The following C1orf94 variants were observed in gnomAD, a reference collection of about 807,000 sequenced individuals.
C1orf94 encodes the protein uncharacterized protein C1orf94.
Under a neutral mutation model 53.6 loss-of-function variants are expected in C1orf94, and 45 were observed. The observed-to-expected ratio is 0.84, with a 90% CI of 0.66 to 1.08. C1orf94 has a LOEUF of 1.08. Among genes scored for constraint, C1orf94 ranks in the 50% least tolerant of loss-of-function variants. The pLI, the probability that C1orf94 is intolerant of heterozygous loss-of-function variation, is 0.00. For missense variants in C1orf94, 762 were observed against 738.9 expected (o/e 1.03, Z -0.36); for synonymous variants, 304 against 296.1 (o/e 1.03, Z -0.27).
rs955233357 is a variant in C1orf94 at position 34,196,023 on chromosome 1, C to T, written c.321-1202C>T. On this transcript the variant is annotated intron_variant, in intron 1 of 6. Coordinates refer to ENST00000488417, the MANE Select transcript of C1orf94 (RefSeq NM_001134734.2). ...CTTGGGTCTTCATCATCTTCTCCTT[C>T]AGCGCTCCCATGATAGAAGGCTGAG... is the stretch of plus-strand genomic sequence containing the variant. Among the ~76,000 whole-genome samples the T allele has an allele frequency of 4.6e-5, 7 of 152,210 alleles. No individual in the cohort carries two copies. In the South Asian group the frequency reaches 1.2e-3, roughly 27 times the overall value.
At chr1:34,176,591 C>T (rs1420660226), upstream of C1orf94, among the ~76,000 whole-genome samples, 2 of 152,128 alleles carry the variant, frequency 1.3e-5, no homozygotes, top group South Asian at 2.1e-4. Flanking sequence ...GACGCAATCC[C>T]TTATGACTTT....
At chr1:34,178,169 T>C in intron 1 of C1orf94, 60 bp downstream of exon 1, 2 of 1,489,606 alleles carry the variant, frequency 1.3e-6, no homozygotes, top group Non-Finnish European at 1.8e-6. Context: ...AGTCTGACCT[T>C]CTGGGGGAAT....
chr1:34,189,917 C>T (rs1295192747), intron 1 of C1orf94, among the ~76,000 whole-genome samples: 3 of 152,178 alleles, frequency 2.0e-5, no homozygotes, highest in Non-Finnish European at 4.4e-5. Context: ...GTTTTGAATC[C>T]AGGTCTCCTG....
intron 2 of C1orf94, 88 bp from the exon 3 acceptor site, chr1:34,200,684 G>A (rs1042851146): frequency 1.9e-6 from 3 of 1,546,584 alleles, no homozygotes; most frequent in Non-Finnish European, 2.6e-6. Context: ...TGCTGCAGAG[G>A]ATTCATCATT....
Position 34,218,824 on chromosome 1 carries a change from G to A in C1orf94, c.*63G>A. ...TCAGGACTAGGGGCTCTGATTTTTGGATTCTGCAAAAGCTTGGTATGAAGT... is the reference window on the plus strand; with the variant it reads ...TCAGGACTAGGGGCTCTGATTTTTGAATTCTGCAAAAGCTTGGTATGAAGT... On this transcript the variant is annotated 3_prime_UTR_variant, in exon 7 of 7. Coordinates refer to ENST00000488417, the MANE Select transcript of C1orf94 (RefSeq NM_001134734.2). 7.0e-7 allele frequency: 1 copy of A among 1,432,274 alleles called. No homozygotes were observed. The highest frequency in any genetic ancestry group is 9.5e-7 in the Non-Finnish European group (1 of 1,049,278). The allele number at this position is 1,432,274 out of a possible 1,614,324, so 88.7% of individuals were successfully genotyped here. A position where few individuals can be genotyped will look rare whatever the true frequency, so the allele number is the denominator to read the frequency against.
chr1:34,214,187 G>T (rs1407128934), intron 6 of C1orf94, among the ~76,000 whole-genome samples: 1 of 152,232 alleles, frequency 6.6e-6, no homozygotes, highest in Non-Finnish European at 1.5e-5. Context: ...CCAGTGAGCA[G>T]CACTGGGAGG....
At chr1:34,215,854 A>G (rs745422592) in intron 6 of C1orf94, among the ~76,000 whole-genome samples, 70 of 152,114 alleles carry the variant, frequency 4.6e-4, no homozygotes, top group Admixed American at 8.5e-4. Flanking sequence ...AAAAATACAC[A>G]AATTAGCTGG....
intron 1 of C1orf94, among the ~76,000 whole-genome samples, chr1:34,187,425 G>A (rs569070753): frequency 6.6e-6 from 1 of 152,018 alleles, no homozygotes; most frequent in Non-Finnish European, 1.5e-5. Flanking sequence ...CATGATTAAC[G>A]TCCCACTTCC....
At position 34,208,182 on chromosome 1, in the gene C1orf94, G is replaced by C. The variant is rs776249666; in HGVS notation, c.1472G>C (p.Arg491Thr). The change falls in exon 5 of 7, where the codon AGG becomes ACG. Residue 491 changes from arginine to threonine, a missense_variant. By Grantham distance (71) the Arg-to-Thr change is moderately conservative. Transcript: ENST00000488417. ...YQGLYPQQAA[R>T]MPYQQALHPQ... ...GGCCTGTACCCACAGCAGGCAGCGAGGATGCCCTATCAGCAGGCTTTGCAC... is the reference window on the plus strand; with the variant it reads ...GGCCTGTACCCACAGCAGGCAGCGACGATGCCCTATCAGCAGGCTTTGCAC... 1 of 1,614,124 alleles carries C rather than the reference G, an allele frequency of 6.2e-7. No homozygotes were observed. The highest frequency in any genetic ancestry group is 1.7e-5 in the Admixed American group (1 of 60,014).
chr1:34,175,514 C>T (rs1642211851), upstream of C1orf94, among the ~76,000 whole-genome samples: 1 of 152,104 alleles, frequency 6.6e-6, no homozygotes, highest in African/African-American at 2.4e-5. Flanking sequence ...TCAGAATTTT[C>T]CCCAAAGGAA....
At chr1:34,196,752 T>C (rs1051332673) in intron 1 of C1orf94, among the ~76,000 whole-genome samples, 1 of 151,996 alleles carries the variant, frequency 6.6e-6, no homozygotes, top group Non-Finnish European at 1.5e-5. Context: ...TGCAGTGAGG[T>C]GATGGGGGCT....
intron 2 of C1orf94, among the ~76,000 whole-genome samples, chr1:34,200,130 C>G (rs6703490): frequency 0.036 from 5,500 of 152,284 alleles, 170 homozygotes; most frequent in South Asian, 0.095. Flanking sequence ...CTGGCACTGA[C>G]AAGTGAGCTG....
chr1:34,193,537 A>G (rs1240193693), intron 1 of C1orf94, among the ~76,000 whole-genome samples: 1 of 152,218 alleles, frequency 6.6e-6, no homozygotes, highest in Non-Finnish European at 1.5e-5. Context: ...TTGCTGGATA[A>G]CAATCTCCTG....
chr1:34,170,430 C>T (rs1642129260), intron 1 of C1orf94, among the ~76,000 whole-genome samples: 2 of 152,154 alleles, frequency 1.3e-5, no homozygotes, highest in African/African-American at 4.8e-5. Flanking sequence ...AGAACCAGCA[C>T]TTTCTAGGAA....
rs2148617978 is a variant in C1orf94 at position 34,197,967 on chromosome 1, C to G, written c.1009+54C>G. 6.6e-7 allele frequency: 1 copy of G among 1,513,052 alleles called. No individual in the cohort carries two copies. Among genetic ancestry groups the G allele is most frequent in the Non-Finnish European group, 8.9e-7 (1 of 1,120,584 alleles). The allele number at this position is 1,513,052 out of a possible 1,614,324, so 93.7% of individuals were successfully genotyped here. On this transcript the variant is annotated intron_variant, in intron 2 of 6. Coordinates refer to ENST00000488417, the MANE Select transcript of C1orf94 (RefSeq NM_001134734.2). The surrounding 1 kb of genome is among the most constrained non-coding windows in gnomAD (Gnocchi z 4.1). ...GGGCCTGCAAGGAGGAGGTCCTTCC[C>G]AGGAAGCCAATCAGGGCTGCAGCAT...
intron 1 of C1orf94, among the ~76,000 whole-genome samples, chr1:34,184,146 G>A (rs577505413): frequency 1.3e-5 from 2 of 152,310 alleles, no homozygotes; most frequent in Admixed American, 6.5e-5. Flanking sequence ...TGAGACCCCT[G>A]CACTGTGTGA....
At chr1:34,202,285 G>T in intron 4 of C1orf94, 26 bp downstream of exon 4, 1 of 1,609,268 alleles carries the variant, frequency 6.2e-7, no homozygotes, top group Non-Finnish European at 8.5e-7. Context: ...TGGCTCTCCT[G>T]TGGACATCCA....
At chr1:34,205,054 T>C (rs12136144) in intron 4 of C1orf94, among the ~76,000 whole-genome samples, 21,288 of 152,294 alleles carry the variant, frequency 0.14, 1,683 homozygotes, top group Middle Eastern at 0.24. Context: ...TGGTTTGCTT[T>C]ATTAAGTGGG....
chr1:34,208,914 A>G (rs1642846335), intron 5 of C1orf94, among the ~76,000 whole-genome samples: 1 of 152,188 alleles, frequency 6.6e-6, no homozygotes, highest in Non-Finnish European at 1.5e-5. Flanking sequence ...AGCATCAGTG[A>G]GACTGAGGAG....
Sources: allele counts gnomAD v4.1 joint callset (sites outside exome capture counted in the v4.1 genomes callset), GRCh38; gene constraint gnomAD v4.1.1; non-coding constraint Gnocchi (gnomAD v3.1); transcripts MANE v1.5; gene names NCBI Gene and HGNC (gene_info 2026-07-23, HGNC 2026-07-21).